The following ORC5 variants were observed in gnomAD, a reference collection of about 807,000 sequenced individuals.
ORC5 encodes the protein origin recognition complex subunit 5.
In ORC5, 39 loss-of-function variants were observed where a neutral mutation model predicts 58.8. The observed-to-expected ratio is 0.66, with a 90% CI of 0.51 to 0.87. The LOEUF is 0.87. Ranked by LOEUF, ORC5 falls within the 40% of genes least tolerant of loss-of-function variation. ORC5 has a pLI of 0.00. For missense variants in ORC5, 493 were observed against 506.3 expected (o/e 0.97, Z 0.25); for synonymous variants, 218 against 177.6 (o/e 1.23, Z -1.81).
chr7:104,168,173 C>T (rs1482671171), intron 9 of ORC5: 3 of 665,902 alleles, frequency 4.5e-6, no homozygotes, highest in Admixed American at 4.5e-5. Context: ...TGAGATAAAA[C>T]TGTCACATAA....
At chr7:104,200,127 T>A (rs1475664998) in intron 3 of ORC5, among the ~76,000 whole-genome samples, 1 of 152,194 alleles carries the variant, frequency 6.6e-6, no homozygotes, top group Non-Finnish European at 1.5e-5. Context: ...TTATAAACTA[T>A]CCAGTCTTGG....
At position 104,136,221 on chromosome 7, in the gene ORC5, T is replaced by G. The variant is rs1798586018; in HGVS notation, c.1262+560A>C. 2.0e-5 allele frequency among the ~76,000 whole-genome samples: 3 copies of G among 152,090 alleles called. No homozygotes were observed. In the South Asian group the frequency reaches 6.2e-4, roughly 32 times the overall value. On this transcript the variant is annotated intron_variant, in intron 13 of 13. Transcript: ENST00000297431. This position sits in a 1 kb window ranked among gnomAD's most constrained non-coding sequence, Gnocchi z 4.2. ...TTTTCTCTCACACTCTGTCCTTCAG[T>G]CAGGGATGTGACACAATTCCTCATT...
rs185916704 is a variant in ORC5, at chr7:104,201,293, T to C, written c.166-335A>G. On this transcript the variant is annotated intron_variant, in intron 2 of 13. Transcript: ENST00000297431. Reference sequence around the variant, plus strand: ...ACCAAAGATCAAGTTGGACAGCCCCTCTTCTAAGGCTACACCTCTTGTTTG... The same window carrying C: ...ACCAAAGATCAAGTTGGACAGCCCCCCTTCTAAGGCTACACCTCTTGTTTG... Among the ~76,000 whole-genome samples, 82 of 152,258 alleles carry C rather than the reference T, an allele frequency of 5.4e-4. 1 individual carries two copies. The highest frequency in any genetic ancestry group is 1.9e-3 in the African/African-American group (79 of 41,564).
chr7:104,202,607 G>T (rs955124504), intron 2 of ORC5: 19 of 432,588 alleles, frequency 4.4e-5, no homozygotes, highest in African/African-American at 8.2e-5. Flanking sequence ...AGAAACTACA[G>T]TGTGATAAAA....
intron 3 of ORC5, among the ~76,000 whole-genome samples, chr7:104,198,461 C>T (rs1000253123): frequency 6.6e-6 from 1 of 152,186 alleles, no homozygotes; most frequent in Non-Finnish European, 1.5e-5. Context: ...CATTTTGCCC[C>T]TGCCCTAGAG....
At chr7:104,197,385 T>C (rs1799825119) in intron 4 of ORC5, among the ~76,000 whole-genome samples, 1 of 152,238 alleles carries the variant, frequency 6.6e-6, no homozygotes, top group South Asian at 2.1e-4. Flanking sequence ...ATTCTTATTT[T>C]AGATTATCCT....
chr7:104,128,007 TGCATAAAGAC>T (rs1312211975), intron 13 of ORC5, among the ~76,000 whole-genome samples: 1 of 152,228 alleles, frequency 6.6e-6, no homozygotes, highest in Non-Finnish European at 1.5e-5. Flanking sequence ...AAAAATCTTT[TGCATAAAGAC>T]GCAAAAAGTA....
At chr7:104,137,242 T>C (rs1051792185) in intron 12 of ORC5, among the ~76,000 whole-genome samples, 1 of 147,442 alleles carries the variant, frequency 6.8e-6, no homozygotes, top group African/African-American at 2.5e-5. Flanking sequence ...TGGCTGGGAC[T>C]ACAGGCACAT....
At chr7:104,156,657 A>G (rs1462371349) in intron 12 of ORC5, among the ~76,000 whole-genome samples, 2 of 151,894 alleles carry the variant, frequency 1.3e-5, no homozygotes, top group East Asian at 1.9e-4. Context: ...TAAAAATAGC[A>G]TATCACTATA....
At position 104,184,169 on chromosome 7, in the gene ORC5, T is replaced by C; in HGVS notation, c.687A>G (p.Ala229=). 2 of 1,540,950 alleles carry C rather than the reference T, an allele frequency of 1.3e-6. No homozygotes were observed. The highest frequency in any genetic ancestry group is 1.4e-5 in the African/African-American group (1 of 71,562). ...CACAATATTTAGGAAAATTAAGTAC[T>C]GCCTGTAAGTAAAGAAAAAAAAAGA... ...CRDLKELRHL[A]VLNFPKYCEP... Residue 229 remains alanine (A), a splice_region_variant and synonymous_variant, in exon 7 of 14, where the codon GCA becomes GCG. Coordinates refer to ENST00000297431, the MANE Select transcript of ORC5 (RefSeq NM_002553.4).
intron 12 of ORC5, among the ~76,000 whole-genome samples, chr7:104,155,500 T>C (rs1467996692): frequency 6.6e-6 from 1 of 151,386 alleles, no homozygotes. Flanking sequence ...TATTTTATAA[T>C]ATAGTAATAT....
chr7:104,195,684 T>A (rs11771421), intron 4 of ORC5, among the ~76,000 whole-genome samples: 14 of 152,176 alleles, frequency 9.2e-5, no homozygotes, highest in Non-Finnish European at 2.1e-4. Flanking sequence ...AGCCATCATA[T>A]TGGATCTGAT....
chr7:104,129,584 T>A lies in ORC5; in HGVS notation c.1263-2691A>T, dbSNP rs1472448225. On this transcript the variant is annotated intron_variant, in intron 13 of 13. Transcript: ENST00000297431. The surrounding 1 kb of genome is among the most constrained non-coding windows in gnomAD (Gnocchi z 4.9). ...ATCACAGGGGCAACATAAAAAACTA[T>A]GCCACACATCCGAAAGATAATTTTG... Among the ~76,000 whole-genome samples, 1 of 152,166 alleles carries A rather than the reference T, an allele frequency of 6.6e-6. No homozygotes were observed. The highest frequency in any genetic ancestry group is 1.5e-5 in the Non-Finnish European group (1 of 68,026).
At chr7:104,154,908 T>C (rs549404217) in intron 12 of ORC5, among the ~76,000 whole-genome samples, 1 of 151,870 alleles carries the variant, frequency 6.6e-6, no homozygotes, top group South Asian at 2.1e-4. Flanking sequence ...ACAAGTACAG[T>C]ATAGCAAAAA....
intron 8 of ORC5, among the ~76,000 whole-genome samples, chr7:104,179,640 G>GT (rs571710790): frequency 1.1e-4 from 17 of 150,428 alleles, no homozygotes; most frequent in South Asian, 4.2e-4. Context: ...CTAAACTGCA[G>GT]TTTTTTTTGT....
intron 12 of ORC5, among the ~76,000 whole-genome samples, chr7:104,137,731 C>T (rs575584109): frequency 2.6e-5 from 4 of 152,258 alleles, no homozygotes; most frequent in South Asian, 4.2e-4. Flanking sequence ...TGGCCAAGAG[C>T]GGCTAGACTT....
In ORC5 at chr7:104,141,245, T is replaced by C. The variant is rs550211954; in HGVS notation, c.1150-4352A>G. ...CCTCTAGCACTAAGATACAGGACTC[T>C]TTGCCCATTAACTTAGAAATCTGGT... is the stretch of plus-strand genomic sequence containing the variant. On this transcript the variant is annotated intron_variant, in intron 12 of 13. Transcript: ENST00000297431. Among the ~76,000 whole-genome samples the C allele has an allele frequency of 2.6e-5, 4 of 152,292 alleles. No individual in the cohort carries two copies. The East Asian group carries it at 5.8e-4, about 22-fold the overall frequency.
intron 3 of ORC5, among the ~76,000 whole-genome samples, chr7:104,200,332 TTA>T (rs1158753519): frequency 2.0e-5 from 3 of 152,216 alleles, no homozygotes; most frequent in Non-Finnish European, 4.4e-5. Context: ...CCGTCATACT[TTA>T]TAACCCACTA....
Position 104,207,992 on chromosome 7 carries a change from G to C in ORC5, c.-88C>G. The stretch of plus-strand genomic sequence containing the variant: ...GCCTCTCCCGAGTCTGGCGGCCCAC[G>C]CTCCCGCCGGAAACCGGACCCGCAG... On this transcript the variant is annotated 5_prime_UTR_variant, in exon 1 of 14. Coordinates refer to ENST00000297431, the MANE Select transcript of ORC5 (RefSeq NM_002553.4). The C allele has an allele frequency of 3.1e-6, 4 of 1,289,752 alleles. No homozygotes were observed. Among genetic ancestry groups the C allele is most frequent in the East Asian group, 2.4e-5 (1 of 41,988 alleles). 79.9% of individuals were successfully genotyped at this position (1,289,752 alleles called of 1,614,324 possible).
Sources: gnomAD v4.1 joint callset for allele counts (sites outside exome capture counted in the v4.1 genomes callset) on GRCh38, gnomAD v4.1.1 for gene constraint, Gnocchi (gnomAD v3.1) non-coding constraint, MANE v1.5 for transcripts, NCBI Gene and HGNC (gene_info 2026-07-23, HGNC 2026-07-21) for gene names.